The following ITGAV variants were observed in gnomAD, a reference collection of about 807,000 sequenced individuals.
ITGAV encodes the protein integrin subunit alpha V, also known as integrin alpha-V.
A neutral mutation model predicts 143.8 loss-of-function variants in ITGAV; 76 were observed. The observed-to-expected ratio is 0.53, with a 90% CI of 0.44 to 0.64. The LOEUF (loss-of-function observed/expected upper bound fraction) is 0.64, where lower values mean the gene tolerates loss of function less well. Among genes scored for constraint, ITGAV ranks in the 30% least tolerant of loss-of-function variants. The pLI is 0.00. For missense variants in ITGAV, 1,193 were observed against 1,274.7 expected (o/e 0.94, Z 0.98); for synonymous variants, 453 against 446.7 (o/e 1.01, Z -0.18).
intron 2 of ITGAV, among the ~76,000 whole-genome samples, chr2:186,616,404 A>C (rs4016814): frequency 1.3e-5 from 2 of 150,032 alleles, no homozygotes; most frequent in Non-Finnish European, 3.0e-5. Context: ...TCAGCCTCCC[A>C]AGCAGCTGGG....
In ITGAV at chr2:186,590,243, C is replaced by A; in HGVS notation, c.-96C>A. 1 of 1,105,850 alleles carries A rather than the reference C, an allele frequency of 9.0e-7. No individual in the cohort carries two copies. Among genetic ancestry groups the A allele is most frequent in the Non-Finnish European group, 1.2e-6 (1 of 841,066 alleles). The allele number at this position is 1,105,850 out of a possible 1,614,324, so 68.5% of individuals were successfully genotyped here. On this transcript the variant is annotated 5_prime_UTR_variant, in exon 1 of 30. Transcript: ENST00000261023. ...GAAGAGAGCGGCCGGCAAGTTTGGG[C>A]GCGCGCAGGCGGCGGGCCGCGGGCA... is the stretch of plus-strand genomic sequence containing the variant.
intron 26 of ITGAV, among the ~76,000 whole-genome samples, chr2:186,671,232 T>C (rs1315647910): frequency 6.6e-6 from 1 of 152,160 alleles, no homozygotes; most frequent in Non-Finnish European, 1.5e-5. Flanking sequence ...GTCACTCCAG[T>C]GCCTTCCCAT....
intron 4 of ITGAV, among the ~76,000 whole-genome samples, chr2:186,626,968 T>G (rs1687692391): frequency 6.6e-6 from 1 of 152,204 alleles, no homozygotes; most frequent in African/African-American, 2.4e-5. Context: ...AAAGATAATT[T>G]TATAGCTACG....
Position 186,677,306 on chromosome 2 carries a change from G to A in ITGAV, c.*14G>A, listed in dbSNP as rs765098626. ...TCAGAAACTTAACTGCAGTTTTTAA[G>A]TTATGCTACATCTTGACCCACTAGA... On this transcript the variant is annotated 3_prime_UTR_variant, in exon 30 of 30. Transcript: ENST00000261023. The A allele has an allele frequency of 1.9e-6, 3 of 1,582,426 alleles. No individual in the cohort carries two copies. Among genetic ancestry groups the A allele is most frequent in the Non-Finnish European group, 2.6e-6 (3 of 1,152,622 alleles).
rs778988024 is a variant in ITGAV at position 186,637,081 on chromosome 2, C to T, written c.774C>T (p.Val258=). The T allele has an allele frequency of 3.1e-6, 5 of 1,613,158 alleles. No individual in the cohort carries two copies. Among genetic ancestry groups the T allele is most frequent in the East Asian group, 2.2e-5 (1 of 44,872 alleles). The part of the protein sequence containing the change: ...DDSYLGYSVA[V]GDFNGDGIDD... ...CCTGTTTAGGTTATTCTGTGGCTGT[C>T]GGAGATTTCAATGGTGATGGCATAG... The change falls in exon 8 of 30, where the codon GTC becomes GTT. Residue 258 remains valine, a synonymous_variant. Coordinates refer to ENST00000261023, the MANE Select transcript of ITGAV (RefSeq NM_002210.5).
intron 4 of ITGAV, among the ~76,000 whole-genome samples, chr2:186,629,163 G>C (rs1277718257): frequency 6.6e-6 from 1 of 152,004 alleles, no homozygotes; most frequent in Non-Finnish European, 1.5e-5. Flanking sequence ...AATGGGAGAA[G>C]TATTAACCAT....
intron 18 of ITGAV, chr2:186,660,609 T>C (rs918800550): frequency 1.1e-4 from 17 of 152,162 alleles, no homozygotes; most frequent in African/African-American, 3.9e-4. Context: ...AAAGTTTTAA[T>C]TGTAATTTTT....
At chr2:186,626,079 C>A (rs1687669198) in intron 4 of ITGAV, among the ~76,000 whole-genome samples, 1 of 152,006 alleles carries the variant, frequency 6.6e-6, no homozygotes, top group Non-Finnish European at 1.5e-5. Flanking sequence ...TCTTAAAGAG[C>A]CAAAGTTTAT....
At chr2:186,631,194 T>G (rs867285404) in intron 5 of ITGAV, among the ~76,000 whole-genome samples, 1 of 152,162 alleles carries the variant, frequency 6.6e-6, no homozygotes. Context: ...CTATTTTTAA[T>G]TAAAGTTGTT....
chr2:186,613,520 A>G (rs1574467338), intron 2 of ITGAV, among the ~76,000 whole-genome samples: 1 of 152,264 alleles, frequency 6.6e-6, no homozygotes, highest in Non-Finnish European at 1.5e-5. Context: ...ATAGTTCTAT[A>G]TAAATTAATA....
intron 25 of ITGAV, 75 bp downstream of exon 25, chr2:186,668,995 A>G (rs568852790): frequency 7.6e-7 from 1 of 1,323,706 alleles, no homozygotes; most frequent in East Asian, 2.4e-5. Context: ...AAAGAAATTC[A>G]TAAAATAAAA....
At position 186,663,805 on chromosome 2, in the gene ITGAV, G is replaced by C. The variant is rs776165007; in HGVS notation, c.1895G>C (p.Cys632Ser). ...ILLDCGEDNVCKPKLEVSVDS... is the reference protein window; with the variant it reads ...ILLDCGEDNVSKPKLEVSVDS... ...CTTGACTGTGGTGAAGACAATGTCTGTAAACCCAAGCTGGAAGTTTCTGTA... is the reference window on the plus strand; with the variant it reads ...CTTGACTGTGGTGAAGACAATGTCTCTAAACCCAAGCTGGAAGTTTCTGTA... Residue 632 changes from cysteine (C) to serine (S), a missense_variant, in exon 19 of 30, where the codon TGT becomes TCT. Transcript: ENST00000261023. The C allele has an allele frequency of 6.2e-7, 1 of 1,612,912 alleles. No homozygotes were observed. Among genetic ancestry groups the C allele is most frequent in the Non-Finnish European group, 8.5e-7 (1 of 1,179,188 alleles).
chr2:186,615,440 G>A (rs912123485), intron 2 of ITGAV, among the ~76,000 whole-genome samples: 3 of 152,104 alleles, frequency 2.0e-5, no homozygotes, highest in Non-Finnish European at 4.4e-5. Context: ...GAGGGTTTCA[G>A]TGTCTCCGTA....
intron 7 of ITGAV, 56 bp from the exon 8 acceptor site, chr2:186,637,009 C>T: frequency 1.4e-6 from 2 of 1,420,942 alleles, no homozygotes; most frequent in Non-Finnish European, 2.0e-6. Flanking sequence ...ACTCAGCAAG[C>T]CTGCTGAAGA....
intron 2 of ITGAV, among the ~76,000 whole-genome samples, chr2:186,619,094 ATTATATATAGTATATT>A (rs1018001724): frequency 1.1e-4 from 16 of 145,184 alleles, no homozygotes; most frequent in African/African-American, 4.0e-4. Context: ...CATTATATAC[ATTATATATAGTATATT>A]TTATATATAT....
In ITGAV at chr2:186,667,576, T is replaced by G; in HGVS notation, c.2328-95T>G. 5.2e-6 allele frequency: 3 copies of G among 571,552 alleles called. No individual in the cohort carries two copies. In the South Asian group the frequency reaches 1.2e-4, roughly 23 times the overall value. 35.4% of individuals were successfully genotyped at this position (571,552 alleles called of 1,614,324 possible). On this transcript the variant is annotated intron_variant, in intron 23 of 29. Transcript: ENST00000261023. ...GTATTTTTTAAAATTAAATCTAATT[T>G]TATTTATTTGAGTAATGAATATGGG...
intron 1 of ITGAV, among the ~76,000 whole-genome samples, chr2:186,591,277 T>C (rs1249676387): frequency 2.0e-5 from 3 of 152,216 alleles, no homozygotes; most frequent in Non-Finnish European, 4.4e-5. Context: ...GTTTTCAAGT[T>C]GCCAACGTTC....
chr2:186,659,837 A>G (rs1281166014), intron 18 of ITGAV, among the ~76,000 whole-genome samples: 2 of 151,588 alleles, frequency 1.3e-5, no homozygotes, highest in Non-Finnish European at 2.9e-5. Context: ...GCAAATTAAA[A>G]TATTTTTAAA....
At chr2:186,630,439 G>A (rs1270930342) in intron 4 of ITGAV, among the ~76,000 whole-genome samples, 1 of 151,722 alleles carries the variant, frequency 6.6e-6, no homozygotes. Context: ...TGTTTGGTAA[G>A]ATTTTAAGTT....
Sources: allele counts gnomAD v4.1 joint callset (sites outside exome capture counted in the v4.1 genomes callset), GRCh38; gene constraint gnomAD v4.1.1; transcripts MANE v1.5; gene names NCBI Gene and HGNC (gene_info 2026-07-23, HGNC 2026-07-21).